The following GALNT15 variants were observed in gnomAD, a reference collection of about 807,000 sequenced individuals.
GALNT15 encodes UDP-GalNAc transferase T15.
GALNT15 carries 67 observed loss-of-function variants against 66.8 expected under a neutral mutation model. The observed-to-expected ratio is 1.00, with a 90% CI of 0.82 to 1.23. The LOEUF (loss-of-function observed/expected upper bound fraction) is 1.23, where lower values mean the gene tolerates loss of function less well. Ranked by LOEUF, GALNT15 falls within the 50% of genes most tolerant of loss-of-function variation. GALNT15 has a pLI of 0.00. For missense variants in GALNT15, 827 were observed against 804.3 expected (o/e 1.03, Z -0.34); for synonymous variants, 313 against 311.5 (o/e 1.00, Z -0.05).
At chr3:16,207,986 G>A (rs1254320825) in intron 3 of GALNT15, among the ~76,000 whole-genome samples, 1 of 152,142 alleles carries the variant, frequency 6.6e-6, no homozygotes, top group African/African-American at 2.4e-5. Context: ...AGATTACATA[G>A]TTCATTAGTA....
At chr3:16,232,698 G>A (rs1342695528), downstream of GALNT15, among the ~76,000 whole-genome samples, 1 of 150,962 alleles carries the variant, frequency 6.6e-6, no homozygotes, top group African/African-American at 2.4e-5. Context: ...TGATCCGCTG[G>A]CTCCAGTTTG....
chr3:16,222,699 C>T lies in GALNT15; in HGVS notation c.1714C>T (p.Leu572Phe), dbSNP rs1435671337. The change falls in exon 9 of 10, where the codon CTT becomes TTT. Residue 572 changes from leucine (L) to phenylalanine (F), a missense_variant. Coordinates refer to ENST00000339732, the MANE Select transcript of GALNT15 (RefSeq NM_054110.5). ...TGCTGTCAGGCAGGAGCAGGTGATT[C>T]TTCAGAACTGCACGGAGGAAGGCCT... ...CFAVRQEQVILQNCTEEGLAI... is the reference protein window; with the variant it reads ...CFAVRQEQVIFQNCTEEGLAI... 2 of 1,614,140 alleles carry T rather than the reference C, an allele frequency of 1.2e-6. No individual in the cohort carries two copies. Among genetic ancestry groups the T allele is most frequent in the African/African-American group, 1.3e-5 (1 of 74,950 alleles).
chr3:16,185,518 A>G (rs980489834), intron 1 of GALNT15, among the ~76,000 whole-genome samples: 1 of 152,218 alleles, frequency 6.6e-6, no homozygotes, highest in African/African-American at 2.4e-5. Flanking sequence ...GAAAGCTGAG[A>G]GCACGATGAC....
intron 1 of GALNT15, among the ~76,000 whole-genome samples, chr3:16,179,318 T>A (rs923107171): frequency 2.6e-5 from 4 of 152,216 alleles, no homozygotes; most frequent in Admixed American, 2.6e-4. Context: ...CAGGTGAGTC[T>A]GACACCAAAG....
In GALNT15 at chr3:16,198,962, T is replaced by C. The variant is rs956434279; in HGVS notation, c.707-1657T>C. 2.1e-4 allele frequency among the ~76,000 whole-genome samples: 30 copies of C among 142,486 alleles called. 7 individuals carry two copies. Among genetic ancestry groups the C allele is most frequent in the Admixed American group, 8.5e-4 (12 of 14,048 alleles). 93.5% of individuals were successfully genotyped at this position (142,486 alleles called of 152,430 possible). On this transcript the variant is annotated intron_variant, in intron 2 of 9. Transcript: ENST00000339732. ...GGGGAACTGGGGGGGAAATTCTTGCTTTTTGGCTCAGTTCTGTTCAATGCA... is the reference window on the plus strand; with the variant it reads ...GGGGAACTGGGGGGGAAATTCTTGCCTTTTGGCTCAGTTCTGTTCAATGCA...
the GALNT15 span, among the ~76,000 whole-genome samples, chr3:16,237,710 G>A: frequency 6.6e-6 from 1 of 152,194 alleles, no homozygotes; most frequent in Non-Finnish European, 1.5e-5. This position sits in a 1 kb window ranked among gnomAD's most constrained non-coding sequence, Gnocchi z 4.2. Context: ...CTCTTTGAGA[G>A]TCTCCAGTCA....
chr3:16,190,788 A>G (rs895135853), intron 1 of GALNT15, among the ~76,000 whole-genome samples: 1 of 152,050 alleles, frequency 6.6e-6, no homozygotes, highest in African/African-American at 2.4e-5. Flanking sequence ...CCTTCTCACA[A>G]ACCTCAGGCT....
At position 16,203,539 on chromosome 3, in the gene GALNT15, TCTCTCACACACACACA is replaced by T. The variant is rs1196734524; in HGVS notation, c.911+2718_911+2733del. Among the ~76,000 whole-genome samples, 1 of 53,256 alleles carries T rather than the reference TCTCTCACACACACACA, an allele frequency of 1.9e-5. No individual in the cohort carries two copies. The highest frequency in any genetic ancestry group is 4.5e-5 in the Non-Finnish European group (1 of 22,440). The allele number at this position is 53,256 out of a possible 152,430, so 34.9% of individuals were successfully genotyped here. ...CACTCATTCTCTCTCTCTCTCTCTC[TCTCTCACACACACACA>T]CACACACACACACACACACACACAC... On this transcript the variant is annotated intron_variant, in intron 3 of 9. Coordinates refer to ENST00000339732, the MANE Select transcript of GALNT15 (RefSeq NM_054110.5). The surrounding 1 kb of genome is among the most constrained non-coding windows in gnomAD (Gnocchi z 6.2).
At chr3:16,197,329 C>T (rs2063649440) in intron 2 of GALNT15, among the ~76,000 whole-genome samples, 5 of 152,224 alleles carry the variant, frequency 3.3e-5, no homozygotes, top group Non-Finnish European at 7.3e-5. Flanking sequence ...CCTTCTGCCC[C>T]TCACCACTGG....
chr3:16,222,464 G>A (rs866857885), intron 8 of GALNT15, 151 bp from the exon 9 acceptor site: 1 of 868,286 alleles, frequency 1.2e-6, no homozygotes, highest in Admixed American at 2.2e-5. Flanking sequence ...CATGTTTTTG[G>A]ACTTGACCAT....
chr3:16,175,819 C>A lies in GALNT15; in HGVS notation c.539+129C>A. 2.4e-6 allele frequency: 2 copies of A among 826,652 alleles called. No individual in the cohort carries two copies. The highest frequency in any genetic ancestry group is 3.7e-6 in the Non-Finnish European group (2 of 547,638). The allele number at this position is 826,652 out of a possible 1,614,324, so 51.2% of individuals were successfully genotyped here. On this transcript the variant is annotated intron_variant, in intron 1 of 9. Coordinates refer to ENST00000339732, the MANE Select transcript of GALNT15 (RefSeq NM_054110.5). This position sits in a 1 kb window ranked among gnomAD's most constrained non-coding sequence, Gnocchi z 5.6. ...GCAAGTGCTTTTCAAGATGCAGTAC[C>A]TGGGCCAGCAGCGTCAGCAGCCCCT...
chr3:16,197,042 G>C (rs2063646298), intron 2 of GALNT15, among the ~76,000 whole-genome samples: 1 of 152,214 alleles, frequency 6.6e-6, no homozygotes, highest in African/African-American at 2.4e-5. Flanking sequence ...CTGCATATTA[G>C]GCAGGACTAA....
At chr3:16,218,795 ACTCT>A (rs202204968) in intron 6 of GALNT15, among the ~76,000 whole-genome samples, 49 of 131,678 alleles carry the variant, frequency 3.7e-4, no homozygotes, top group East Asian at 2.5e-3. Context: ...GATATCATAG[ACTCT>A]CTCTCTCTCT....
intron 1 of GALNT15, among the ~76,000 whole-genome samples, chr3:16,192,269 A>G (rs2063587344): frequency 6.6e-6 from 1 of 152,206 alleles, no homozygotes; most frequent in African/African-American, 2.4e-5. Flanking sequence ...TAGTCTATGA[A>G]TTGAGACAGA....
intron 2 of GALNT15, among the ~76,000 whole-genome samples, chr3:16,198,910 A>T (rs2063669424): frequency 7.0e-6 from 1 of 142,308 alleles, no homozygotes; most frequent in Non-Finnish European, 1.6e-5. Flanking sequence ...GGCTACTTGT[A>T]TCCACAGTTA....
In GALNT15 at chr3:16,224,566, GA is replaced by G. The variant is rs143294216; in HGVS notation, c.1773+1813del. On this transcript the variant is annotated intron_variant, in intron 9 of 9. Coordinates refer to ENST00000339732, the MANE Select transcript of GALNT15 (RefSeq NM_054110.5). This position sits in a 1 kb window ranked among gnomAD's most constrained non-coding sequence, Gnocchi z 5.2. ...TTATAGAGTTTCACTTTTACAAGATGAAAAAGTTCTGGATATCTGTTTCATA... is the reference window on the plus strand; with the variant it reads ...TTATAGAGTTTCACTTTTACAAGATGAAAAGTTCTGGATATCTGTTTCATA... Among the ~76,000 whole-genome samples, 16,242 of 151,418 alleles carry G rather than the reference GA, an allele frequency of 0.11. 1,411 individuals are homozygous for G. The highest frequency in any genetic ancestry group is 0.24 in the African/African-American group (9,754 of 41,234).
downstream of GALNT15, among the ~76,000 whole-genome samples, chr3:16,231,236 A>C (rs1037478792): frequency 1.3e-5 from 2 of 152,146 alleles, no homozygotes; most frequent in African/African-American, 4.8e-5. The surrounding 1 kb of genome is among the most constrained non-coding windows in gnomAD (Gnocchi z 4.1). Flanking sequence ...TGACAGGTTG[A>C]TAGGTGCAGC....
the GALNT15 span, among the ~76,000 whole-genome samples, chr3:16,242,605 TAAAATA>T: frequency 1.3e-5 from 2 of 150,766 alleles, no homozygotes; most frequent in Non-Finnish European, 3.0e-5. This position sits in a 1 kb window ranked among gnomAD's most constrained non-coding sequence, Gnocchi z 5.6. Flanking sequence ...CAAAAAAAAA[TAAAATA>T]AAATAAAAGT....
intron 6 of GALNT15, among the ~76,000 whole-genome samples, chr3:16,213,445 T>C (rs1574990813): frequency 3.7e-5 from 2 of 53,764 alleles, no homozygotes; most frequent in African/African-American, 9.9e-5. Context: ...ACAGAGCAAC[T>C]CCATCTCAAA....
Sources: gnomAD v4.1 joint callset for allele counts (sites outside exome capture counted in the v4.1 genomes callset) on GRCh38, gnomAD v4.1.1 for gene constraint, Gnocchi (gnomAD v3.1) non-coding constraint, MANE v1.5 for transcripts, NCBI Gene and HGNC (gene_info 2026-07-23, HGNC 2026-07-21) for gene names.